The following C8orf34 variants were observed in gnomAD, a reference collection of about 807,000 sequenced individuals.
C8orf34 encodes chromosome 8 open reading frame 34, also known as uncharacterized protein C8orf34.
A neutral mutation model predicts 68.3 loss-of-function variants in C8orf34; 65 were observed. The ratio of observed to expected loss-of-function variants is 0.95; its 90% CI spans 0.78 to 1.17. The LOEUF (loss-of-function observed/expected upper bound fraction) is 1.17, where lower values mean the gene tolerates loss of function less well. C8orf34 is among the 50% of genes most tolerant of loss of function. The probability of loss-of-function intolerance (pLI) is 0.00; values close to 1 mark genes in which losing one functional copy is unlikely to be tolerated. For synonymous variants in C8orf34, 244 were observed against 241.2 expected (o/e 1.01, Z -0.11); for missense variants, 664 against 655.4 (o/e 1.01, Z -0.14).
At chr8:68,640,239 A>G in intron 7 of C8orf34, 137 bp from the exon 8 acceptor site, 1 of 687,464 alleles carries the variant, frequency 1.5e-6, no homozygotes, top group Non-Finnish European at 2.4e-6. Context: ...TAATTGATAT[A>G]TGTAGTTAGA....
At chr8:68,403,294 C>T (rs896491355) in intron 1 of C8orf34, among the ~76,000 whole-genome samples, 2 of 152,154 alleles carry the variant, frequency 1.3e-5, no homozygotes, top group Admixed American at 6.6e-5. Flanking sequence ...GTGGCTCTTC[C>T]TCTTGACCTT....
intron 10 of C8orf34, among the ~76,000 whole-genome samples, chr8:68,748,808 C>G (rs1585823721): frequency 6.6e-6 from 1 of 152,158 alleles, no homozygotes; most frequent in Non-Finnish European, 1.5e-5. Flanking sequence ...ACTAGTTAAA[C>G]CATTGTGGAA....
chr8:68,422,029 G>A (rs1315283485), intron 1 of C8orf34, among the ~76,000 whole-genome samples: 3 of 152,156 alleles, frequency 2.0e-5, no homozygotes, highest in Non-Finnish European at 4.4e-5. Context: ...CCTCCACCTG[G>A]TTCCACCCTT....
rs184978909 is a variant in C8orf34 at position 68,616,844 on chromosome 8, T to C, written c.1106-23532T>C. On this transcript the variant is annotated intron_variant, in intron 7 of 13. Coordinates refer to ENST00000518698, the MANE Select transcript of C8orf34 (RefSeq NM_052958.4). ...AGCTGAGTTCAATTCCTGGGTATCC[T>C]TGTTAACTTTGTCTCATTGATCTGT... Among the ~76,000 whole-genome samples the C allele has an allele frequency of 3.8e-3, 584 of 152,274 alleles. 2 individuals carry two copies. The highest frequency in any genetic ancestry group is 7.5e-3 in the Non-Finnish European group (510 of 68,024).
chr8:68,368,759 T>A (rs902656907), intron 1 of C8orf34, among the ~76,000 whole-genome samples: 2 of 152,208 alleles, frequency 1.3e-5, no homozygotes, highest in African/African-American at 4.8e-5. Flanking sequence ...GGAAAGATTA[T>A]GTTACTGGAG....
chr8:68,519,068 C>T (rs895141602), intron 5 of C8orf34, among the ~76,000 whole-genome samples: 12 of 151,974 alleles, frequency 7.9e-5, no homozygotes, highest in Non-Finnish European at 1.2e-4. Context: ...TACGATCAAG[C>T]GTATTAAAGT....
At chr8:68,351,065 G>A (rs552563184) in intron 1 of C8orf34, among the ~76,000 whole-genome samples, 3 of 151,840 alleles carry the variant, frequency 2.0e-5, no homozygotes, top group South Asian at 2.1e-4. Context: ...ACTGGTCTGC[G>A]TGTTTAAATA....
chr8:68,425,406 T>G (rs999497923), intron 1 of C8orf34, among the ~76,000 whole-genome samples: 1 of 152,154 alleles, frequency 6.6e-6, no homozygotes, highest in African/African-American at 2.4e-5. Flanking sequence ...TACAACTAAG[T>G]GAGTTCAATA....
At chr8:68,391,691 G>T (rs1197415548) in intron 1 of C8orf34, among the ~76,000 whole-genome samples, 1 of 152,140 alleles carries the variant, frequency 6.6e-6, no homozygotes, top group East Asian at 1.9e-4. Flanking sequence ...AAACCACAAG[G>T]TTTATTTCTC....
At chr8:68,615,651 T>G (rs1208081295) in intron 7 of C8orf34, among the ~76,000 whole-genome samples, 1 of 152,232 alleles carries the variant, frequency 6.6e-6, no homozygotes, top group Non-Finnish European at 1.5e-5. Context: ...CACTTGATCA[T>G]GGTGGATAAG....
At chr8:68,567,533 T>C (rs1294630860) in intron 7 of C8orf34, among the ~76,000 whole-genome samples, 3 of 150,334 alleles carry the variant, frequency 2.0e-5, no homozygotes, top group African/African-American at 7.3e-5. Context: ...TTAATCTTGC[T>C]AATGATGTAT....
At chr8:68,506,138 G>GCA (rs1165000075) in intron 5 of C8orf34, among the ~76,000 whole-genome samples, 9 of 150,978 alleles carry the variant, frequency 6.0e-5, no homozygotes, top group Non-Finnish European at 1.0e-4. Context: ...ACATGCACAT[G>GCA]CACACACACA....
intron 8 of C8orf34, among the ~76,000 whole-genome samples, chr8:68,688,714 C>T (rs1019593599): frequency 1.3e-5 from 2 of 152,090 alleles, no homozygotes; most frequent in African/African-American, 4.8e-5. Context: ...AGCCGTCATA[C>T]TCAGCAAACT....
At chr8:68,661,780 G>C (rs1819687279) in intron 8 of C8orf34, among the ~76,000 whole-genome samples, 2 of 152,006 alleles carry the variant, frequency 1.3e-5, no homozygotes, top group South Asian at 4.2e-4. Flanking sequence ...AGCACTTGTG[G>C]GGTAGTTGGA....
At chr8:68,350,478 AAT>A (rs2129618506) in intron 1 of C8orf34, among the ~76,000 whole-genome samples, 1 of 151,898 alleles carries the variant, frequency 6.6e-6, no homozygotes, top group South Asian at 2.1e-4. Flanking sequence ...TTAGGTTCTG[AAT>A]ATCTTTGTTA....
chr8:68,343,171 C>T (rs1336599365), intron 1 of C8orf34, among the ~76,000 whole-genome samples: 3 of 152,114 alleles, frequency 2.0e-5, no homozygotes, highest in Admixed American at 1.3e-4. Flanking sequence ...AGACATTTCA[C>T]ATAAGGGTCT....
At chr8:68,465,836 G>A (rs1439750902) in intron 3 of C8orf34, among the ~76,000 whole-genome samples, 2 of 151,642 alleles carry the variant, frequency 1.3e-5, no homozygotes, top group Admixed American at 1.3e-4. Flanking sequence ...AGCATTAGGA[G>A]ATATACCTAA....
intron 1 of C8orf34, among the ~76,000 whole-genome samples, chr8:68,388,467 T>C (rs1808351417): frequency 6.6e-6 from 1 of 152,000 alleles, no homozygotes; most frequent in Non-Finnish European, 1.5e-5. Context: ...ATACAAAAAT[T>C]TCTCTTCTAT....
At chr8:68,711,254 T>C (rs1469389271) in intron 9 of C8orf34, among the ~76,000 whole-genome samples, 1 of 152,040 alleles carries the variant, frequency 6.6e-6, no homozygotes, top group African/African-American at 2.4e-5. Context: ...TATGAGAAAA[T>C]GAGGTTCTTT....
Sources: gnomAD v4.1 joint callset for allele counts (sites outside exome capture counted in the v4.1 genomes callset) on GRCh38, gnomAD v4.1.1 for gene constraint, MANE v1.5 for transcripts, NCBI Gene and HGNC (gene_info 2026-07-23, HGNC 2026-07-21) for gene names.